WDR70: variants seen among roughly 807,000 people sequenced by gnomAD.
WDR70 encodes WD repeat domain 70.
WDR70 carries 53 observed loss-of-function variants against 88.6 expected under a neutral mutation model. The ratio of observed to expected loss-of-function variants is 0.60; its 90% CI spans 0.48 to 0.75. The LOEUF (loss-of-function observed/expected upper bound fraction) is 0.75, where lower values mean the gene tolerates loss of function less well. Ranked by LOEUF, WDR70 falls within the 30% of genes least tolerant of loss-of-function variation. The pLI is 0.00. For synonymous variants in WDR70, 280 were observed against 270.0 expected, an observed-to-expected ratio of 1.04 and a Z score of -0.36; for missense variants, 610 against 823.2, an observed-to-expected ratio of 0.74 and a Z score of 3.17.
chr5:37,420,902 A>G (rs978688512), intron 5 of WDR70, among the ~76,000 whole-genome samples: 3 of 152,084 alleles, frequency 2.0e-5, no homozygotes, highest in Non-Finnish European at 4.4e-5. Flanking sequence ...ACAGAGTAAG[A>G]CTCTGTCTCA....
At chr5:37,722,635 T>C (rs1460574639) in intron 14 of WDR70, 1 of 548,482 alleles carries the variant, frequency 1.8e-6, no homozygotes, top group Non-Finnish European at 3.3e-6. Context: ...TCTCCAACCC[T>C]CTTGCTTGTT....
chr5:37,632,597 A>G (rs533291299), intron 10 of WDR70, among the ~76,000 whole-genome samples: 114 of 152,320 alleles, frequency 7.5e-4, no homozygotes, highest in Non-Finnish European at 1.3e-3. Flanking sequence ...TTAATAGACA[A>G]AAGTTTATAG....
chr5:37,649,830 C>T (rs1452997625), intron 10 of WDR70, among the ~76,000 whole-genome samples: 13 of 140,482 alleles, frequency 9.3e-5, no homozygotes, highest in African/African-American at 1.9e-4. Flanking sequence ...CTCCGCCTCC[C>T]GGGTTCACGC....
chr5:37,689,541 C>T (rs1287604030), intron 10 of WDR70, among the ~76,000 whole-genome samples: 1 of 152,186 alleles, frequency 6.6e-6, no homozygotes, highest in Non-Finnish European at 1.5e-5. Context: ...TGTTCTGCAG[C>T]CTCTGCTGGT....
chr5:37,496,777 G>C (rs1254161356), intron 8 of WDR70, among the ~76,000 whole-genome samples: 5 of 152,210 alleles, frequency 3.3e-5, no homozygotes, highest in Non-Finnish European at 7.3e-5. Context: ...GAATTGAGTA[G>C]CAGCCATCTG....
chr5:37,553,221 C>A (rs886551147), intron 9 of WDR70, among the ~76,000 whole-genome samples: 1 of 152,178 alleles, frequency 6.6e-6, no homozygotes, highest in African/African-American at 2.4e-5. Context: ...TATACCCTAA[C>A]TTAATCTTCA....
intron 7 of WDR70, among the ~76,000 whole-genome samples, chr5:37,451,126 G>A (rs749254732): frequency 1.2e-4 from 18 of 152,050 alleles, no homozygotes; most frequent in African/African-American, 1.7e-4. Context: ...TCGAACTCCC[G>A]ACCTCAGGTG....
intron 8 of WDR70, chr5:37,506,929 T>C (rs1288429665): frequency 1.5e-5 from 12 of 799,078 alleles, no homozygotes; most frequent in Non-Finnish European, 2.7e-5. Context: ...CTTTTTCTCT[T>C]CCCACCTTTC....
intron 9 of WDR70, among the ~76,000 whole-genome samples, chr5:37,540,506 T>C (rs925928836): frequency 6.6e-6 from 1 of 152,126 alleles, no homozygotes; most frequent in Admixed American, 6.6e-5. Flanking sequence ...CTCAGCCTCC[T>C]GAGTAGCTGG....
intron 9 of WDR70, among the ~76,000 whole-genome samples, chr5:37,586,325 G>T (rs968205028): frequency 2.6e-5 from 4 of 152,054 alleles, no homozygotes; most frequent in Non-Finnish European, 5.9e-5. Context: ...AGTCATCTGT[G>T]AGCTCTTGTC....
At chr5:37,625,299 T>C (rs1286987346) in intron 10 of WDR70, among the ~76,000 whole-genome samples, 1 of 152,190 alleles carries the variant, frequency 6.6e-6, no homozygotes, top group African/African-American at 2.4e-5. Context: ...CCACCAATAG[T>C]GTATGAGTTC....
intron 9 of WDR70, among the ~76,000 whole-genome samples, chr5:37,590,552 C>G (rs1743502068): frequency 6.6e-6 from 1 of 152,228 alleles, no homozygotes; most frequent in Middle Eastern, 3.4e-3. Flanking sequence ...TGTTAGGGAT[C>G]TTGAGATGAG....
intron 9 of WDR70, among the ~76,000 whole-genome samples, chr5:37,521,870 C>G (rs749899910): frequency 4.6e-5 from 7 of 152,142 alleles, no homozygotes; most frequent in Non-Finnish European, 8.8e-5. Context: ...TTCTTTTCCT[C>G]TGGATAGACA....
In WDR70 at chr5:37,379,485, C is replaced by G; in HGVS notation, c.26-4C>G. On this transcript the variant is annotated splice_polypyrimidine_tract_variant and splice_region_variant and intron_variant, in intron 1 of 17. Transcript: ENST00000265107. Reference sequence around the variant, plus strand: ...AGGCCGCCTCTCTTTTCCTCTTGCTCCAGTGACAGGCTCAGACGCGTCGGG... The same window carrying G: ...AGGCCGCCTCTCTTTTCCTCTTGCTGCAGTGACAGGCTCAGACGCGTCGGG... The G allele has an allele frequency of 6.2e-7, 1 of 1,613,958 alleles. No individual in the cohort carries two copies.
At chr5:37,727,577 TTTTA>T (rs1340609904) in intron 17 of WDR70, among the ~76,000 whole-genome samples, 2 of 152,134 alleles carry the variant, frequency 1.3e-5, no homozygotes, top group Non-Finnish European at 2.9e-5. Context: ...CCGTTTTTAT[TTTTA>T]TTTATTTATT....
chr5:37,487,627 A>ATTTTTTTTTTTTTT (rs70978825), intron 8 of WDR70, among the ~76,000 whole-genome samples: 1 of 69,040 alleles, frequency 1.4e-5, no homozygotes, highest in African/African-American at 5.0e-5. Context: ...ATATATATGT[A>ATTTTTTTTTTTTTT]TTTTTTTTTT....
rs369902487 is a variant in WDR70, at chr5:37,642,252, A to G, written c.1092+37014A>G. ...TTCTGCTCCCTTCTATATTAACTCT[A>G]TTTTTTCTTTCCAAATGCTTAGTAA... On this transcript the variant is annotated intron_variant, in intron 10 of 17. Transcript: ENST00000265107. 4.6e-5 allele frequency among the ~76,000 whole-genome samples: 7 copies of G among 151,598 alleles called. 1 individual carries two copies. Among genetic ancestry groups the G allele is most frequent in the Admixed American group, 3.9e-4 (6 of 15,208 alleles).
At chr5:37,500,945 G>A (rs1166995561) in intron 8 of WDR70, among the ~76,000 whole-genome samples, 1 of 151,944 alleles carries the variant, frequency 6.6e-6, no homozygotes, top group Non-Finnish European at 1.5e-5. Flanking sequence ...AACTATGTTG[G>A]CCAGGCTGGT....
intron 5 of WDR70, among the ~76,000 whole-genome samples, chr5:37,423,554 T>G (rs1000788829): frequency 1.4e-5 from 2 of 147,912 alleles, no homozygotes; most frequent in East Asian, 4.2e-4. Context: ...AAATGTTTGT[T>G]TTTTTTTGTC....
Sources: gnomAD v4.1 joint callset for allele counts (sites outside exome capture counted in the v4.1 genomes callset) on GRCh38, gnomAD v4.1.1 for gene constraint, MANE v1.5 for transcripts, NCBI Gene and HGNC (gene_info 2026-07-23, HGNC 2026-07-21) for gene names.